Variants in HABP2 observed in about 807,000 individuals in gnomAD.
HABP2 encodes hyaluronan binding protein 2, also known as factor VII-activating protease.
Under a neutral mutation model 66.5 loss-of-function variants are expected in HABP2, and 65 were observed. That is an observed-to-expected ratio of 0.98 (90% CI 0.80 to 1.20). The LOEUF is 1.20. Among genes scored for constraint, HABP2 ranks in the 50% most tolerant of loss-of-function variants. The probability of loss-of-function intolerance (pLI) is 0.00; values close to 1 mark genes in which losing one functional copy is unlikely to be tolerated. For synonymous variants in HABP2, 263 were observed against 253.9 expected, an observed-to-expected ratio of 1.04 and a Z score of -0.34; for missense variants, 786 against 691.0, an observed-to-expected ratio of 1.14 and a Z score of -1.54.
intron 1 of HABP2, among the ~76,000 whole-genome samples, chr10:113,554,456 C>G (rs754052745): frequency 1.5e-4 from 23 of 152,172 alleles, no homozygotes; most frequent in Non-Finnish European, 2.2e-4. Flanking sequence ...GCTCAGACAC[C>G]TATCTTAGCT....
chr10:113,558,016 A>C (rs893664618), intron 1 of HABP2, among the ~76,000 whole-genome samples: 1 of 152,172 alleles, frequency 6.6e-6, no homozygotes, highest in African/African-American at 2.4e-5. Flanking sequence ...ACTGTGGTTG[A>C]GATCATCATG....
intron 1 of HABP2, among the ~76,000 whole-genome samples, chr10:113,558,906 G>A (rs1845049611): frequency 6.6e-6 from 1 of 152,040 alleles, no homozygotes; most frequent in South Asian, 2.1e-4. Context: ...CCAGGCTGGA[G>A]TGCAATGGCG....
At chr10:113,563,709 G>C (rs953965246) in intron 1 of HABP2, among the ~76,000 whole-genome samples, 4 of 152,248 alleles carry the variant, frequency 2.6e-5, no homozygotes, top group Non-Finnish European at 5.9e-5. Flanking sequence ...GATGCGCAAT[G>C]CTGGCCCAGG....
At chr10:113,565,877 A>G (rs1164872917) in intron 1 of HABP2, among the ~76,000 whole-genome samples, 1 of 152,186 alleles carries the variant, frequency 6.6e-6, no homozygotes, top group Non-Finnish European at 1.5e-5. Flanking sequence ...TGCAATTTGA[A>G]TCTCACAATT....
chr10:113,575,386 C>T (rs993454944), intron 3 of HABP2, among the ~76,000 whole-genome samples: 15 of 152,188 alleles, frequency 9.9e-5, no homozygotes, highest in Non-Finnish European at 2.1e-4. Context: ...TCCTCCTTGC[C>T]GCCAATTCTT....
upstream of HABP2, chr10:113,553,043 T>A: frequency 1.0e-6 from 1 of 989,328 alleles, no homozygotes. Flanking sequence ...CCTTGGAGAC[T>A]GACATTTTTC....
chr10:113,551,066 T>C (rs1161860450), upstream of HABP2: 4 of 152,272 alleles, frequency 2.6e-5, no homozygotes, highest in African/African-American at 9.6e-5. Context: ...TCCTTTCACA[T>C]TGAGTTGGCT....
intron 5 of HABP2, among the ~76,000 whole-genome samples, chr10:113,577,644 A>G (rs1292586416): frequency 1.3e-5 from 2 of 152,252 alleles, no homozygotes; most frequent in Non-Finnish European, 2.9e-5. Flanking sequence ...GGAGCTTTAC[A>G]GATGAAGAAC....
intron 4 of HABP2, among the ~76,000 whole-genome samples, chr10:113,576,427 C>A (rs892144799): frequency 2.0e-5 from 3 of 152,200 alleles, no homozygotes; most frequent in African/African-American, 7.2e-5. Context: ...GGTCACACAG[C>A]TAGCTAGATG....
Position 113,589,472 on chromosome 10 carries a change from C to A in HABP2, c.*1103C>A. 1 of 642,056 alleles carries A rather than the reference C, an allele frequency of 1.6e-6. No homozygotes were observed. The allele number at this position is 642,056 out of a possible 1,614,324, so 39.8% of individuals were successfully genotyped here. A position where few individuals can be genotyped will look rare whatever the true frequency, so the allele number is the denominator to read the frequency against. ...GGCTGTGACTTCAGAGAAAGCCCTG[C>A]AGGAAGTTTAACCTGCGTGTCATCT... On this transcript the variant is annotated 3_prime_UTR_variant, in exon 13 of 13. Transcript: ENST00000351270.
At chr10:113,558,907 T>C (rs1026897971) in intron 1 of HABP2, among the ~76,000 whole-genome samples, 1 of 151,916 alleles carries the variant, frequency 6.6e-6, no homozygotes, top group Non-Finnish European at 1.5e-5. Context: ...CAGGCTGGAG[T>C]GCAATGGCGC....
Position 113,576,843 on chromosome 10 carries a change from C to G in HABP2, c.332-307C>G, listed in dbSNP as rs550511860. Among the ~76,000 whole-genome samples, 211 of 152,296 alleles carry G rather than the reference C, an allele frequency of 1.4e-3. 2 individuals are homozygous for G. Among genetic ancestry groups the G allele is most frequent in the African/African-American group, 4.8e-3 (200 of 41,548 alleles). Reference sequence around the variant, plus strand: ...AAAGTGACAAAACTGTAAATGCATTCTGAAGTTAGCTAGAAAATGGAGAGA... The same window carrying G: ...AAAGTGACAAAACTGTAAATGCATTGTGAAGTTAGCTAGAAAATGGAGAGA... On this transcript the variant is annotated intron_variant, in intron 4 of 12. Transcript: ENST00000351270.
chr10:113,554,887 A>G (rs1174227506), intron 1 of HABP2, among the ~76,000 whole-genome samples: 3 of 152,240 alleles, frequency 2.0e-5, no homozygotes, highest in Non-Finnish European at 4.4e-5. Context: ...GAGCTTAGTC[A>G]ATTCCAAAGA....
intron 1 of HABP2, among the ~76,000 whole-genome samples, chr10:113,556,453 G>T (rs1844993085): frequency 6.6e-6 from 1 of 152,128 alleles, no homozygotes; most frequent in African/African-American, 2.4e-5. Context: ...GGTAGCTCAT[G>T]CCTGTAATCC....
chr10:113,561,049 CA>C (rs2133746682), intron 1 of HABP2, among the ~76,000 whole-genome samples: 1 of 152,244 alleles, frequency 6.6e-6, no homozygotes, highest in Admixed American at 6.5e-5. Flanking sequence ...CCACAATTTT[CA>C]AATAAAAGGA....
At chr10:113,576,344 G>C (rs546750421) in intron 4 of HABP2, among the ~76,000 whole-genome samples, 1 of 152,300 alleles carries the variant, frequency 6.6e-6, no homozygotes, top group Admixed American at 6.5e-5. Flanking sequence ...GGGAGAGCAG[G>C]GAGGATCTCA....
upstream of HABP2, among the ~76,000 whole-genome samples, chr10:113,552,776 A>G (rs897238305): frequency 1.3e-5 from 2 of 152,114 alleles, no homozygotes; most frequent in African/African-American, 4.8e-5. Context: ...TTTTATCCTG[A>G]GGCTGGGATG....
At chr10:113,575,583 GGA>G (rs1180722326) in intron 3 of HABP2, among the ~76,000 whole-genome samples, 1 of 152,250 alleles carries the variant, frequency 6.6e-6, no homozygotes, top group East Asian at 1.9e-4. Flanking sequence ...AAGACTGGGA[GGA>G]GAAAAACACT....
At chr10:113,568,624 C>T (rs767359925) in intron 2 of HABP2, among the ~76,000 whole-genome samples, 45 of 152,156 alleles carry the variant, frequency 3.0e-4, no homozygotes, top group African/African-American at 4.8e-4. Flanking sequence ...TCTGAAGGCG[C>T]GTATTTCAGA....
Sources: allele counts gnomAD v4.1 joint callset (sites outside exome capture counted in the v4.1 genomes callset), GRCh38; gene constraint gnomAD v4.1.1; transcripts MANE v1.5; gene names NCBI Gene and HGNC (gene_info 2026-07-23, HGNC 2026-07-21).